UNC13C: variants seen among roughly 807,000 people sequenced by gnomAD.
The protein encoded by UNC13C is protein unc-13 homolog C.
Under a neutral mutation model 245.4 loss-of-function variants are expected in UNC13C, and 174 were observed. The ratio of observed to expected loss-of-function variants is 0.71; its 90% confidence interval spans 0.63 to 0.80. UNC13C has a LOEUF of 0.80. UNC13C is among the 30% of genes least tolerant of loss of function. The pLI, the probability that UNC13C is intolerant of heterozygous loss-of-function variation, is 0.00. For missense variants in UNC13C, 2,829 were observed against 2,602.9 expected, an observed-to-expected ratio of 1.09 and a Z score of -1.89; for synonymous variants, 992 against 895.1, an observed-to-expected ratio of 1.11 and a Z score of -1.93.
intron 4 of UNC13C, among the ~76,000 whole-genome samples, chr15:54,172,305 C>T (rs2033429822): frequency 6.6e-6 from 1 of 151,896 alleles, no homozygotes; most frequent in Admixed American, 6.6e-5. Context: ...GTGAAGGATA[C>T]CCCATTGACT....
chr15:53,880,024 T>C, the UNC13C span, among the ~76,000 whole-genome samples: 1 of 152,184 alleles, frequency 6.6e-6, no homozygotes, highest in Non-Finnish European at 1.5e-5. Flanking sequence ...ACACTATTTA[T>C]CAAGGATGAC....
chr15:54,421,049 C>G lies in UNC13C; in HGVS notation c.4933+5982C>G, dbSNP rs59105022. ...TTAGCAATTGCCTATTTAGCACTTG[C>G]TAGGTACTGGTTTAAATGATTTATG... On this transcript the variant is annotated intron_variant, in intron 19 of 32. Transcript: ENST00000260323. 2.5e-3 allele frequency among the ~76,000 whole-genome samples: 376 copies of G among 152,094 alleles called. 2 individuals carry two copies. The highest frequency in any genetic ancestry group is 8.6e-3 in the African/African-American group (357 of 41,526).
At chr15:54,477,086 C>T (rs202196986) in intron 19 of UNC13C, among the ~76,000 whole-genome samples, 10,783 of 72,650 alleles carry the variant, frequency 0.15, 301 homozygotes, top group East Asian at 0.24. Context: ...AATGGGAGTT[C>T]ACTCATGATT....
At chr15:54,407,444 G>A (rs539224023) in intron 18 of UNC13C, among the ~76,000 whole-genome samples, 66 of 152,090 alleles carry the variant, frequency 4.3e-4, no homozygotes, top group Non-Finnish European at 7.1e-4. Context: ...TATGAAATAC[G>A]TAAGAAAGAG....
chr15:54,351,868 G>T (rs940775364), intron 17 of UNC13C, among the ~76,000 whole-genome samples: 1 of 151,922 alleles, frequency 6.6e-6, no homozygotes, highest in South Asian at 2.1e-4. Flanking sequence ...TCACTCAGTA[G>T]CCACTGTTTT....
chr15:54,581,140 A>G (rs1284417849), intron 30 of UNC13C, among the ~76,000 whole-genome samples: 1 of 152,090 alleles, frequency 6.6e-6, no homozygotes, highest in Admixed American at 6.6e-5. Context: ...AGAAGGGGAG[A>G]GATGACTGTG....
chr15:54,040,958 C>T (rs754329484), intron 2 of UNC13C, among the ~76,000 whole-genome samples: 9 of 152,162 alleles, frequency 5.9e-5, no homozygotes, highest in Non-Finnish European at 1.0e-4. Flanking sequence ...TACCCAATTC[C>T]CCTCACTCTG....
At chr15:54,538,133 C>CAAAAAAAAAAAAAAAAAAAAAAAA (rs56041311) in intron 26 of UNC13C, among the ~76,000 whole-genome samples, 1 of 10,250 alleles carries the variant, frequency 9.8e-5, no homozygotes, top group Non-Finnish European at 2.4e-4. Context: ...CATTAACAAG[C>CAAAAAAAAAAAAAAAAAAAAAAAA]AAAAAAAAAA....
intron 20 of UNC13C, among the ~76,000 whole-genome samples, chr15:54,498,866 T>G (rs966436526): frequency 1.3e-5 from 2 of 152,152 alleles, no homozygotes; most frequent in African/African-American, 2.4e-5. Context: ...TCAAAAGATA[T>G]TTTTGTGCAA....
chr15:53,973,513 A>T (rs1423124109), upstream of UNC13C, among the ~76,000 whole-genome samples: 1 of 151,882 alleles, frequency 6.6e-6, no homozygotes, highest in African/African-American at 2.4e-5. Flanking sequence ...GAAACCAGGC[A>T]CCCTGATTTC....
chr15:54,391,921 C>A lies in UNC13C; in HGVS notation c.4714-1127C>A, dbSNP rs150267525. ...GCACTGGAACATATGCATATACAAC[C>A]ATTCAGCCGAGAGGGTGGCTGATCT... On this transcript the variant is annotated intron_variant, in intron 17 of 32. Transcript: ENST00000260323. 3.8e-3 allele frequency among the ~76,000 whole-genome samples: 571 copies of A among 152,074 alleles called. 4 individuals carry two copies. The highest frequency in any genetic ancestry group is 5.5e-3 in the Non-Finnish European group (374 of 67,934).
At chr15:54,556,359 A>G (rs1406268729) in intron 29 of UNC13C, among the ~76,000 whole-genome samples, 1 of 152,078 alleles carries the variant, frequency 6.6e-6, no homozygotes, top group Non-Finnish European at 1.5e-5. Context: ...TATTCATTTC[A>G]ACAGAGTTCT....
At chr15:54,106,131 A>G (rs944300228) in intron 2 of UNC13C, among the ~76,000 whole-genome samples, 2 of 152,194 alleles carry the variant, frequency 1.3e-5, no homozygotes, top group African/African-American at 4.8e-5. Context: ...TTAACTTATT[A>G]AGCAGATTTT....
chr15:54,325,441 A>G lies in UNC13C; in HGVS notation c.4425+3346A>G, dbSNP rs551856370. ...TTGTTATTATTTTACTTTAAGTTCC[A>G]GGGTACATGTGCACAACGTGCAGTT... On this transcript the variant is annotated intron_variant, in intron 14 of 32. Transcript: ENST00000260323. Among the ~76,000 whole-genome samples the G allele has an allele frequency of 2.0e-5, 3 of 152,140 alleles. No individual in the cohort carries two copies. The East Asian group carries it at 5.8e-4, about 30-fold the overall frequency.
intron 7 of UNC13C, among the ~76,000 whole-genome samples, chr15:54,246,557 A>G (rs58116384): frequency 0.025 from 3,859 of 152,260 alleles, 160 homozygotes; most frequent in African/African-American, 0.088. Context: ...TTTGTGTTTT[A>G]TAAATTATTT....
intron 13 of UNC13C, among the ~76,000 whole-genome samples, chr15:54,302,315 T>C (rs1047696439): frequency 1.3e-5 from 2 of 152,238 alleles, no homozygotes; most frequent in Admixed American, 1.3e-4. Flanking sequence ...TTTGTCAATT[T>C]TGGCTTTTGT....
chr15:54,033,595 A>G (rs1896455364), intron 2 of UNC13C, among the ~76,000 whole-genome samples: 1 of 152,170 alleles, frequency 6.6e-6, no homozygotes, highest in Non-Finnish European at 1.5e-5. Context: ...ACCTGGGAAT[A>G]AGTATTGTGA....
intron 22 of UNC13C, among the ~76,000 whole-genome samples, chr15:54,501,193 C>T (rs1894194255): frequency 6.6e-6 from 1 of 152,060 alleles, no homozygotes; most frequent in African/African-American, 2.4e-5. Flanking sequence ...ATTTATTGTT[C>T]ACTTCGAGGA....
rs138207506 is a variant in UNC13C, at chr15:54,104,028, C to G, written c.2984-38990C>G. Among the ~76,000 whole-genome samples, 521 of 152,358 alleles carry G rather than the reference C, an allele frequency of 3.4e-3. 6 individuals carry two copies. Among genetic ancestry groups the G allele is most frequent in the African/African-American group, 0.012 (512 of 41,580 alleles). On this transcript the variant is annotated intron_variant, in intron 2 of 32. Transcript: ENST00000260323. ...AAAGTGCTGGGATTACAGGCGTGAG[C>G]CACCATGCCCGGCCACACGTAGACC...
Sources: gnomAD v4.1 joint callset for allele counts (sites outside exome capture counted in the v4.1 genomes callset) on GRCh38, gnomAD v4.1.1 for gene constraint, MANE v1.5 for transcripts, NCBI Gene and HGNC (gene_info 2026-07-23, HGNC 2026-07-21) for gene names.